Variants in NRXN3 observed in about 807,000 individuals in gnomAD.
NRXN3 encodes neurexin 3.
Under a neutral mutation model 137.6 loss-of-function variants are expected in NRXN3, and 32 were observed. The observed-to-expected ratio is 0.23, with a 90% CI of 0.18 to 0.31. The LOEUF is 0.31. Among genes scored for constraint, NRXN3 ranks in the 10% least tolerant of loss-of-function variants. The pLI, the probability that NRXN3 is intolerant of heterozygous loss-of-function variation, is 1.00. For missense variants in NRXN3, 1,574 were observed against 2,062.5 expected (o/e 0.76, Z 4.59); for synonymous variants, 798 against 784.5 (o/e 1.02, Z -0.29).
intron 1 of NRXN3, among the ~76,000 whole-genome samples, chr14:78,218,353 C>T (rs572709726): frequency 6.6e-5 from 10 of 152,272 alleles, no homozygotes; most frequent in East Asian, 3.9e-4. Flanking sequence ...AAGACCCTAT[C>T]GCTCTCTTTT....
At chr14:79,736,884 C>T (rs936520654) in intron 19 of NRXN3, among the ~76,000 whole-genome samples, 5 of 152,126 alleles carry the variant, frequency 3.3e-5, no homozygotes, top group African/African-American at 1.2e-4. Flanking sequence ...AATAACAAAG[C>T]CTGGCTCCAC....
At chr14:78,738,319 T>C (rs2098549810) in intron 8 of NRXN3, among the ~76,000 whole-genome samples, 1 of 152,210 alleles carries the variant, frequency 6.6e-6, no homozygotes, top group Non-Finnish European at 1.5e-5. Flanking sequence ...TAAATGGGCA[T>C]CTGATGAACT....
chr14:78,289,481 C>T (rs1567176740), intron 3 of NRXN3, among the ~76,000 whole-genome samples: 2 of 152,128 alleles, frequency 1.3e-5, no homozygotes, highest in African/African-American at 4.8e-5. Flanking sequence ...GGAGGACTTT[C>T]TGGTAATTAT....
intron 4 of NRXN3, among the ~76,000 whole-genome samples, chr14:78,373,458 A>G (rs2087232634): frequency 2.0e-5 from 3 of 152,192 alleles, no homozygotes; most frequent in African/African-American, 7.2e-5. Flanking sequence ...TGGGTTTTGA[A>G]TATGTAAACA....
chr14:79,470,833 A>G (rs2096490214), intron 16 of NRXN3, among the ~76,000 whole-genome samples: 1 of 151,770 alleles, frequency 6.6e-6, no homozygotes, highest in Non-Finnish European at 1.5e-5. Flanking sequence ...AACAAAGTAC[A>G]AACTCCAAAA....
chr14:79,581,765 G>C (rs17109502), intron 16 of NRXN3, among the ~76,000 whole-genome samples: 4 of 151,996 alleles, frequency 2.6e-5, no homozygotes, highest in Non-Finnish European at 5.9e-5. Context: ...GATCGTTTAC[G>C]TGGTCGTTTT....
intron 16 of NRXN3, among the ~76,000 whole-genome samples, chr14:79,590,414 G>GT (rs2097793266): frequency 5.1e-5 from 1 of 19,594 alleles, no homozygotes; most frequent in Admixed American, 4.9e-4. Flanking sequence ...TCTTTCTTTT[G>GT]TTAAAAAAAA....
At chr14:79,296,913 G>A (rs1441548784) in intron 15 of NRXN3, among the ~76,000 whole-genome samples, 2 of 152,188 alleles carry the variant, frequency 1.3e-5, no homozygotes, top group Non-Finnish European at 2.9e-5. Context: ...GCGTGATCTG[G>A]CATCACTAGC....
At chr14:78,963,853 A>G (rs1443011613) in intron 11 of NRXN3, among the ~76,000 whole-genome samples, 1 of 151,924 alleles carries the variant, frequency 6.6e-6, no homozygotes, top group African/African-American at 2.4e-5. Flanking sequence ...GCAGCCTCAA[A>G]CTCCTGGGCT....
chr14:79,778,177 G>A (rs2140024514), intron 19 of NRXN3, among the ~76,000 whole-genome samples: 2 of 152,326 alleles, frequency 1.3e-5, no homozygotes, highest in Admixed American at 1.3e-4. Flanking sequence ...AACACTTTGG[G>A]AGGCCGAGGC....
intron 10 of NRXN3, among the ~76,000 whole-genome samples, chr14:78,826,476 A>C (rs1324427374): frequency 2.0e-5 from 3 of 152,262 alleles, no homozygotes; most frequent in African/African-American, 7.2e-5. Flanking sequence ...ATGCACACGC[A>C]TAAATTCACA....
At chr14:78,769,153 A>T (rs1209549928) in intron 8 of NRXN3, among the ~76,000 whole-genome samples, 1 of 152,226 alleles carries the variant, frequency 6.6e-6, no homozygotes, top group African/African-American at 2.4e-5. Flanking sequence ...GCTACTTATG[A>T]ATAACAAAAG....
chr14:78,944,826 CA>C (rs1259546657), intron 10 of NRXN3, among the ~76,000 whole-genome samples: 1 of 152,140 alleles, frequency 6.6e-6, no homozygotes, highest in East Asian at 1.9e-4. Context: ...AAAGTAATAC[CA>C]CCTGCATCCG....
At chr14:78,395,197 C>G (rs1171272330) in intron 4 of NRXN3, among the ~76,000 whole-genome samples, 1 of 151,684 alleles carries the variant, frequency 6.6e-6, no homozygotes, top group Middle Eastern at 3.2e-3. Context: ...ATAAATTTTC[C>G]TCTCAGCACT....
rs919811725 is a variant in NRXN3, at chr14:78,448,204, A to AT, written c.757+150352dup. On this transcript the variant is annotated intron_variant, in intron 4 of 20. Transcript: ENST00000335750. ...TTGCACGGTGGCATCTAGTTTAGTC[A>AT]TTTTTTTTACTTTCCTAAATAGATT... Among the ~76,000 whole-genome samples, 11 of 152,064 alleles carry AT rather than the reference A, an allele frequency of 7.2e-5. 1 individual carries two copies. In the South Asian group the frequency reaches 8.3e-4, roughly 12 times the overall value.
chr14:78,650,050 A>G lies in NRXN3; in HGVS notation c.1060-1115A>G, dbSNP rs2097725406. On this transcript the variant is annotated intron_variant, in intron 5 of 20. Transcript: ENST00000335750. ...TTTCCCCACTCTTCATTCTCCTTTC[A>G]TCTTTCATATATTTGGGGGTTGGGT... Among the ~76,000 whole-genome samples, 5 of 151,108 alleles carry G rather than the reference A, an allele frequency of 3.3e-5. No individual in the cohort carries two copies. The South Asian group carries it at 1.1e-3, about 32-fold the overall frequency.
chr14:78,655,718 C>G (rs1200186968), intron 6 of NRXN3, among the ~76,000 whole-genome samples: 1 of 152,032 alleles, frequency 6.6e-6, no homozygotes, highest in Non-Finnish European at 1.5e-5. Context: ...CCTCATGGAG[C>G]TCTGAAATCT....
At chr14:78,875,722 C>T (rs2099112491) in intron 10 of NRXN3, among the ~76,000 whole-genome samples, 1 of 152,158 alleles carries the variant, frequency 6.6e-6, no homozygotes, top group African/African-American at 2.4e-5. Context: ...TTTCTCAACC[C>T]AGTTATATCT....
intron 10 of NRXN3, among the ~76,000 whole-genome samples, chr14:78,925,682 T>C (rs1174080612): frequency 2.0e-5 from 3 of 152,140 alleles, no homozygotes; most frequent in African/African-American, 7.2e-5. Flanking sequence ...ATATAGTTAT[T>C]GAAAGGGGCC....
Sources: gnomAD v4.1 joint callset for allele counts (sites outside exome capture counted in the v4.1 genomes callset) on GRCh38, gnomAD v4.1.1 for gene constraint, MANE v1.5 for transcripts, NCBI Gene and HGNC (gene_info 2026-07-23, HGNC 2026-07-21) for gene names.